CLSTN2: variants seen among roughly 807,000 people sequenced by gnomAD.
CLSTN2 encodes calsyntenin-2.
Under a neutral mutation model 101.2 loss-of-function variants are expected in CLSTN2, and 48 were observed. The ratio of observed to expected loss-of-function variants is 0.47; its 90% CI spans 0.38 to 0.60. The LOEUF (loss-of-function observed/expected upper bound fraction) is 0.60. Ranked by LOEUF, CLSTN2 falls within the 20% of genes least tolerant of loss-of-function variation. The probability of loss-of-function intolerance (pLI) is 0.00; values close to 1 mark genes in which losing one functional copy is unlikely to be tolerated. For synonymous variants in CLSTN2, 481 were observed against 463.6 expected, an observed-to-expected ratio of 1.04 and a Z score of -0.48; for missense variants, 1,160 against 1,238.2, an observed-to-expected ratio of 0.94 and a Z score of 0.95.
rs55765465 is a variant in CLSTN2, at chr3:140,099,814, G to A, written c.110-76137G>A. The stretch of plus-strand genomic sequence containing the variant: ...ACCCTGAAGAAAATGGCAGTCACAG[G>A]TTAAGGGGTAAGTTGAATGCAGGAG... On this transcript the variant is annotated intron_variant, in intron 1 of 16. Transcript: ENST00000458420. 5.7e-3 allele frequency among the ~76,000 whole-genome samples: 873 copies of A among 152,296 alleles called. 13 individuals are homozygous for A. Among genetic ancestry groups the A allele is most frequent in the Non-Finnish European group, 4.9e-3 (333 of 68,018 alleles).
At chr3:140,434,729 T>C (rs1168014300) in intron 5 of CLSTN2, among the ~76,000 whole-genome samples, 1 of 152,196 alleles carries the variant, frequency 6.6e-6, no homozygotes, top group African/African-American at 2.4e-5. Context: ...GGCATTTCCG[T>C]CCACTCTTCT....
intron 2 of CLSTN2, among the ~76,000 whole-genome samples, chr3:140,340,590 A>G (rs2087482692): frequency 6.6e-6 from 1 of 152,226 alleles, no homozygotes; most frequent in Non-Finnish European, 1.5e-5. Flanking sequence ...ATGATGGTAC[A>G]GAGAGTTATC....
chr3:140,369,894 T>G (rs536570533), intron 2 of CLSTN2, among the ~76,000 whole-genome samples: 1 of 152,362 alleles, frequency 6.6e-6, no homozygotes, highest in East Asian at 1.9e-4. Context: ...AAGTTGTTTC[T>G]GGGGATCATT....
At chr3:139,944,107 T>TGG (rs2107807651) in intron 1 of CLSTN2, among the ~76,000 whole-genome samples, 1 of 152,318 alleles carries the variant, frequency 6.6e-6, no homozygotes, top group East Asian at 1.9e-4. Flanking sequence ...TCTGACTGCT[T>TGG]TATAGATATT....
intron 1 of CLSTN2, among the ~76,000 whole-genome samples, chr3:139,957,819 GC>G (rs1935438452): frequency 6.6e-6 from 1 of 152,132 alleles, no homozygotes; most frequent in Admixed American, 6.5e-5. Context: ...CTCTTGGAAG[GC>G]CTGGGCAGAA....
At position 140,231,295 on chromosome 3, in the gene CLSTN2, A is replaced by T. The variant is rs1004695316; in HGVS notation, c.232+55222A>T. 2.0e-5 allele frequency among the ~76,000 whole-genome samples: 3 copies of T among 152,076 alleles called. No homozygotes were observed. In the East Asian group the frequency reaches 5.8e-4, roughly 29 times the overall value. On this transcript the variant is annotated intron_variant, in intron 2 of 16. Transcript: ENST00000458420. Reference sequence around the variant, plus strand: ...AGAGCTGTCAATATTCTCCCTCATCATCTACTGCGGGAGTTCCATGACTCC... The same window carrying T: ...AGAGCTGTCAATATTCTCCCTCATCTTCTACTGCGGGAGTTCCATGACTCC...
intron 1 of CLSTN2, among the ~76,000 whole-genome samples, chr3:140,027,996 C>G (rs145173189): frequency 1.3e-5 from 2 of 152,138 alleles, no homozygotes; most frequent in Non-Finnish European, 2.9e-5. Flanking sequence ...AATCCTATCA[C>G]CCTCCCATGC....
In CLSTN2 at chr3:140,292,022, A is replaced by G. The variant is rs543053899; in HGVS notation, c.233-111607A>G. Among the ~76,000 whole-genome samples, 131 of 152,204 alleles carry G rather than the reference A, an allele frequency of 8.6e-4. 1 individual carries two copies. The highest frequency in any genetic ancestry group is 2.9e-3 in the African/African-American group (121 of 41,558). Reference sequence around the variant, plus strand: ...CCACTCAAAGCTGGAGGATCTTTCTAAAACAAAATCTAGATCATCTTTCTC... The same window carrying G: ...CCACTCAAAGCTGGAGGATCTTTCTGAAACAAAATCTAGATCATCTTTCTC... On this transcript the variant is annotated intron_variant, in intron 2 of 16. Transcript: ENST00000458420.
At chr3:140,222,605 G>T (rs1378285207) in intron 2 of CLSTN2, among the ~76,000 whole-genome samples, 2 of 151,912 alleles carry the variant, frequency 1.3e-5, no homozygotes, top group Admixed American at 6.6e-5. Context: ...TACCTACTAT[G>T]TACCCACAAA....
At position 140,245,095 on chromosome 3, in the gene CLSTN2, G is replaced by A. The variant is rs76701534; in HGVS notation, c.232+69022G>A. On this transcript the variant is annotated intron_variant, in intron 2 of 16. Coordinates refer to ENST00000458420, the MANE Select transcript of CLSTN2 (RefSeq NM_022131.3). ...AGGTACTTCGGGAGACCCTGATCTA[G>A]TTATTCTGGTATGTGTGGCATCTGT... Among the ~76,000 whole-genome samples the A allele has an allele frequency of 3.6e-3, 552 of 152,228 alleles. 14 individuals carry two copies. The East Asian group carries it at 0.057, about 16-fold the overall frequency.
At chr3:139,984,311 A>G (rs1294298749) in intron 1 of CLSTN2, among the ~76,000 whole-genome samples, 1 of 152,176 alleles carries the variant, frequency 6.6e-6, no homozygotes, top group Non-Finnish European at 1.5e-5. Context: ...TCATAAACAA[A>G]GAATGTTATC....
chr3:140,288,618 T>C (rs1450799415), intron 2 of CLSTN2, among the ~76,000 whole-genome samples: 2 of 152,174 alleles, frequency 1.3e-5, no homozygotes, highest in South Asian at 4.1e-4. Context: ...GAAATGCTGA[T>C]CAATTGTTTT....
chr3:140,360,897 C>A (rs2087723684), intron 2 of CLSTN2, among the ~76,000 whole-genome samples: 2 of 152,130 alleles, frequency 1.3e-5, no homozygotes, highest in African/African-American at 4.8e-5. Context: ...AACTCAGGCC[C>A]AGATGACTTC....
At chr3:140,434,898 T>TA (rs75917404) in intron 5 of CLSTN2, among the ~76,000 whole-genome samples, 8 of 152,216 alleles carry the variant, frequency 5.3e-5, no homozygotes, top group African/African-American at 1.7e-4. Context: ...TTGTATCTTT[T>TA]AAAAAAAATT....
At chr3:140,230,578 C>A (rs1159436126) in intron 2 of CLSTN2, among the ~76,000 whole-genome samples, 1 of 152,196 alleles carries the variant, frequency 6.6e-6, no homozygotes, top group East Asian at 1.9e-4. Flanking sequence ...GAGAGACTCC[C>A]ATCCTTTCCA....
intron 2 of CLSTN2, among the ~76,000 whole-genome samples, chr3:140,261,945 A>G (rs532973569): frequency 4.4e-4 from 67 of 152,264 alleles, no homozygotes; most frequent in Non-Finnish European, 6.9e-4. Context: ...GCCAGTTATC[A>G]TTAATACTGA....
chr3:140,128,268 C>T (rs1403037979), intron 1 of CLSTN2, among the ~76,000 whole-genome samples: 5 of 152,090 alleles, frequency 3.3e-5, no homozygotes, highest in East Asian at 1.9e-4. Flanking sequence ...AGCTCTTGGG[C>T]GAGGGAGGAG....
intron 1 of CLSTN2, among the ~76,000 whole-genome samples, chr3:140,141,540 A>G (rs2009697306): frequency 6.6e-6 from 1 of 152,238 alleles, no homozygotes; most frequent in Non-Finnish European, 1.5e-5. Context: ...AATGGCAATA[A>G]TAGCAAGCCA....
chr3:140,261,977 T>C (rs1159171621), intron 2 of CLSTN2, among the ~76,000 whole-genome samples: 1 of 152,206 alleles, frequency 6.6e-6, no homozygotes, highest in Admixed American at 6.6e-5. Context: ...AGGTCAATCT[T>C]ACCACCAGGC....
Sources: gnomAD v4.1 joint callset for allele counts (sites outside exome capture counted in the v4.1 genomes callset) on GRCh38, gnomAD v4.1.1 for gene constraint, MANE v1.5 for transcripts, NCBI Gene and HGNC (gene_info 2026-07-23, HGNC 2026-07-21) for gene names.